Variants in MAP2K5 observed in about 807,000 individuals in gnomAD.
MAP2K5 encodes the protein dual specificity mitogen-activated protein kinase kinase 5.
Under a neutral mutation model 83.1 loss-of-function variants are expected in MAP2K5, and 49 were observed. The ratio of observed to expected loss-of-function variants is 0.59; its 90% confidence interval spans 0.47 to 0.75. The LOEUF (loss-of-function observed/expected upper bound fraction) is 0.75. Among genes scored for constraint, MAP2K5 ranks in the 30% least tolerant of loss-of-function variants. The pLI is 0.00. For synonymous variants in MAP2K5, 202 were observed against 191.8 expected, an observed-to-expected ratio of 1.05 and a Z score of -0.44; for missense variants, 457 against 557.5, an observed-to-expected ratio of 0.82 and a Z score of 1.82.
intron 21 of MAP2K5, among the ~76,000 whole-genome samples, chr15:67,787,343 G>A (rs963978198): frequency 6.6e-6 from 1 of 152,172 alleles, no homozygotes; most frequent in African/African-American, 2.4e-5. Flanking sequence ...CTTCTTTTCT[G>A]TGTCCTTTCT....
chr15:67,555,232 T>A lies in MAP2K5; in HGVS notation c.184+5150T>A, dbSNP rs919260186. ...TGCTTGCATTCTGCTGAGGAAGCTT[T>A]TACTTATGGCAGAAAGTGAAGGGGC... On this transcript the variant is annotated intron_variant, in intron 2 of 21. Coordinates refer to ENST00000178640, the MANE Select transcript of MAP2K5 (RefSeq NM_145160.3). The surrounding 1 kb of genome is among the most constrained non-coding windows in gnomAD (Gnocchi z 5.2). Among the ~76,000 whole-genome samples, 1 of 152,182 alleles carries A rather than the reference T, an allele frequency of 6.6e-6. No individual in the cohort carries two copies. Among genetic ancestry groups the A allele is most frequent in the Non-Finnish European group, 1.5e-5 (1 of 68,032 alleles).
At chr15:67,593,701 G>A (rs1287680964) in intron 7 of MAP2K5, among the ~76,000 whole-genome samples, 22 of 152,230 alleles carry the variant, frequency 1.4e-4, no homozygotes, top group Admixed American at 1.3e-3. Context: ...TGTCCATTGC[G>A]ATCAAGCCTG....
rs2086776486 is a variant in MAP2K5 at position 67,644,039 on chromosome 15, ACT to A, written c.586-2189_586-2188del. Among the ~76,000 whole-genome samples, 2 of 152,222 alleles carry A rather than the reference ACT, an allele frequency of 1.3e-5. No homozygotes were observed. Among genetic ancestry groups the A allele is most frequent in the Non-Finnish European group, 2.9e-5 (2 of 68,014 alleles). ...TATCTAGAAATGTCTAGAGCCAGAAACTCTGCCACAAATCATAAAAATTGTTT... is the reference window on the plus strand; with the variant it reads ...TATCTAGAAATGTCTAGAGCCAGAAACTGCCACAAATCATAAAAATTGTTT... On this transcript the variant is annotated intron_variant, in intron 9 of 21. Coordinates refer to ENST00000178640, the MANE Select transcript of MAP2K5 (RefSeq NM_145160.3). The surrounding 1 kb of genome is among the most constrained non-coding windows in gnomAD (Gnocchi z 4.6).
At chr15:67,688,713 A>G (rs1042048525) in intron 13 of MAP2K5, among the ~76,000 whole-genome samples, 4 of 152,230 alleles carry the variant, frequency 2.6e-5, no homozygotes, top group African/African-American at 7.2e-5. Context: ...TAATCCTCAC[A>G]GTTCTCTAAT....
rs559270045 is a variant in MAP2K5 at position 67,594,752 on chromosome 15, G to A, written c.480+1778G>A. Among the ~76,000 whole-genome samples the A allele has an allele frequency of 1.6e-4, 24 of 151,936 alleles. No homozygotes were observed. In the East Asian group the frequency reaches 2.9e-3, roughly 18 times the overall value. Reference sequence around the variant, plus strand: ...GTGATAACCTCATATTAAATAATATGGCTTTTTTTTTCTTTATAAGGATTA... The same window carrying A: ...GTGATAACCTCATATTAAATAATATAGCTTTTTTTTTCTTTATAAGGATTA... On this transcript the variant is annotated intron_variant, in intron 7 of 21. Coordinates refer to ENST00000178640, the MANE Select transcript of MAP2K5 (RefSeq NM_145160.3).
chr15:67,714,455 AC>A (rs2088783735), intron 16 of MAP2K5, among the ~76,000 whole-genome samples: 2 of 121,244 alleles, frequency 1.6e-5, no homozygotes, highest in African/African-American at 5.8e-5. Flanking sequence ...AAAAAAAAAA[AC>A]CACCACCCTG....
At chr15:67,658,825 C>G (rs2087158423) in intron 12 of MAP2K5, 1 of 603,812 alleles carries the variant, frequency 1.7e-6, no homozygotes, top group South Asian at 1.5e-5. Context: ...CCAACCTGTT[C>G]TAGTTTCATG....
chr15:67,556,807 C>A (rs1321667755), intron 2 of MAP2K5, among the ~76,000 whole-genome samples: 1 of 152,142 alleles, frequency 6.6e-6, no homozygotes, highest in African/African-American at 2.4e-5. Flanking sequence ...CCTGCCTCGG[C>A]CTCCCAAAGT....
intron 11 of MAP2K5, among the ~76,000 whole-genome samples, chr15:67,646,739 G>A (rs1335082788): frequency 6.6e-6 from 1 of 152,116 alleles, no homozygotes; most frequent in Non-Finnish European, 1.5e-5. Context: ...TTTGATATTT[G>A]ATTCTTTTGC....
rs1271533357 is a variant in MAP2K5 at position 67,575,989 on chromosome 15, G to A, written c.253-4765G>A. Among the ~76,000 whole-genome samples, 5 of 139,888 alleles carry A rather than the reference G, an allele frequency of 3.6e-5. 1 individual carries two copies. The highest frequency in any genetic ancestry group is 6.1e-5 in the Non-Finnish European group (4 of 65,064). The allele number at this position is 139,888 out of a possible 152,430, so 91.8% of individuals were successfully genotyped here. A position where few individuals can be genotyped will look rare whatever the true frequency, so the allele number is the denominator to read the frequency against. On this transcript the variant is annotated intron_variant, in intron 3 of 21. Coordinates refer to ENST00000178640, the MANE Select transcript of MAP2K5 (RefSeq NM_145160.3). Reference sequence around the variant, plus strand: ...GGCTGGAGTGCAATGGCACGATCTCGGCTCACTGCAACCTCTGCCTCCTGG... The same window carrying A: ...GGCTGGAGTGCAATGGCACGATCTCAGCTCACTGCAACCTCTGCCTCCTGG...
intron 3 of MAP2K5, among the ~76,000 whole-genome samples, chr15:67,578,344 T>A (rs1400155933): frequency 6.6e-6 from 1 of 152,232 alleles, no homozygotes; most frequent in African/African-American, 2.4e-5. Context: ...GGCAGTAGCC[T>A]GAGTTTCTAG....
In MAP2K5 at chr15:67,775,770, G is replaced by A. The variant is rs554281913; in HGVS notation, c.1242+3018G>A. ...TGAATTTTAATAGAGAGCTTTGAAG[G>A]GGCCATTCCAGGCAAAGGAAACAGG... On this transcript the variant is annotated intron_variant, in intron 21 of 21. Transcript: ENST00000178640. The surrounding 1 kb of genome is among the most constrained non-coding windows in gnomAD (Gnocchi z 5.3). Among the ~76,000 whole-genome samples the A allele has an allele frequency of 5.9e-5, 9 of 152,232 alleles. No homozygotes were observed. The East Asian group carries it at 1.7e-3, about 29-fold the overall frequency.
intron 20 of MAP2K5, among the ~76,000 whole-genome samples, chr15:67,772,185 G>T (rs1323885812): frequency 6.6e-6 from 1 of 152,150 alleles, no homozygotes; most frequent in African/African-American, 2.4e-5. Flanking sequence ...TTCTAATTTT[G>T]TAGCATTATC....
In MAP2K5 at chr15:67,693,509, G is replaced by A. The variant is rs576345961; in HGVS notation, c.922-9G>A. ...TTATATTGTTCTAACAGACTGTTTT[G>A]TCTCATAGCTGGTGAATTCTATAGC... On this transcript the variant is annotated splice_polypyrimidine_tract_variant and intron_variant, in intron 14 of 21. Coordinates refer to ENST00000178640, the MANE Select transcript of MAP2K5 (RefSeq NM_145160.3). 1.9e-5 allele frequency: 30 copies of A among 1,607,500 alleles called. No homozygotes were observed. In the South Asian group the frequency reaches 2.8e-4, roughly 15 times the overall value.
chr15:67,727,298 T>G (rs571185841), intron 16 of MAP2K5, among the ~76,000 whole-genome samples: 2 of 152,374 alleles, frequency 1.3e-5, no homozygotes, highest in Non-Finnish European at 2.9e-5. Context: ...ATTAAGTGAC[T>G]GGCTCAGAAA....
chr15:67,799,824 G>A (rs146358278), intron 21 of MAP2K5, among the ~76,000 whole-genome samples: 31 of 152,326 alleles, frequency 2.0e-4, no homozygotes, highest in African/African-American at 7.2e-4. Flanking sequence ...CAGGAGAAGG[G>A]AGGCCCCCTC....
At position 67,555,463 on chromosome 15, in the gene MAP2K5, T is replaced by C. The variant is rs557866092; in HGVS notation, c.184+5381T>C. Among the ~76,000 whole-genome samples the C allele has an allele frequency of 2.1e-5, 3 of 141,054 alleles. No homozygotes were observed. The East Asian group carries it at 6.4e-4, about 30-fold the overall frequency. The allele number at this position is 141,054 out of a possible 152,430, so 92.5% of individuals were successfully genotyped here. ...GGATCACTTTGGAGGGGACAAATAT[T>C]CAAACCATATCATTGTGGAAATAAA... is the stretch of plus-strand genomic sequence containing the variant. On this transcript the variant is annotated intron_variant, in intron 2 of 21. Transcript: ENST00000178640. The surrounding 1 kb of genome is among the most constrained non-coding windows in gnomAD (Gnocchi z 5.2).
In MAP2K5 at chr15:67,782,698, A is replaced by T. The variant is rs1197530713; in HGVS notation, c.1242+9946A>T. Among the ~76,000 whole-genome samples the T allele has an allele frequency of 6.6e-6, 1 of 152,064 alleles. No individual in the cohort carries two copies. Among genetic ancestry groups the T allele is most frequent in the Non-Finnish European group, 1.5e-5 (1 of 68,006 alleles). Reference sequence around the variant, plus strand: ...GTTTCTAATTTTTAAATTAAACATGACTTTTTTTTTAAGCCACAGCTTTGC... The same window carrying T: ...GTTTCTAATTTTTAAATTAAACATGTCTTTTTTTTTAAGCCACAGCTTTGC... On this transcript the variant is annotated intron_variant, in intron 21 of 21. Transcript: ENST00000178640. This position sits in a 1 kb window ranked among gnomAD's most constrained non-coding sequence, Gnocchi z 4.9.
intron 7 of MAP2K5, among the ~76,000 whole-genome samples, chr15:67,593,248 G>A (rs1270924171): frequency 1.3e-5 from 2 of 152,188 alleles, no homozygotes; most frequent in Non-Finnish European, 2.9e-5. Flanking sequence ...GTGTCAACTC[G>A]TGGGCTGTTG....
Sources: allele counts gnomAD v4.1 joint callset (sites outside exome capture counted in the v4.1 genomes callset), GRCh38; gene constraint gnomAD v4.1.1; non-coding constraint Gnocchi (gnomAD v3.1); transcripts MANE v1.5; gene names NCBI Gene and HGNC (gene_info 2026-07-23, HGNC 2026-07-21).